SPEF2: variants seen among roughly 807,000 people sequenced by gnomAD.
The protein encoded by SPEF2 is sperm flagellar and cilia associated 2, also known as sperm flagella and cilia-associated protein 2.
Under a neutral mutation model 224.6 loss-of-function variants are expected in SPEF2, and 187 were observed. That is an observed-to-expected ratio of 0.83 (90% CI 0.74 to 0.94). The LOEUF (loss-of-function observed/expected upper bound fraction) is 0.94. Among genes scored for constraint, SPEF2 ranks in the 40% least tolerant of loss-of-function variants. The pLI is 0.00. For synonymous variants in SPEF2, 715 were observed against 707.3 expected (o/e 1.01, Z -0.17); for missense variants, 2,170 against 2,135.6 (o/e 1.02, Z -0.32).
intron 36 of SPEF2, among the ~76,000 whole-genome samples, chr5:35,808,699 C>T (rs1475125189): frequency 4.7e-5 from 7 of 147,984 alleles, no homozygotes; most frequent in Admixed American, 1.4e-4. Flanking sequence ...TTGGGTTTTA[C>T]ATATATATAC....
intron 8 of SPEF2, 24 bp from the exon 9 acceptor site, chr5:35,667,048 A>C: frequency 6.3e-7 from 1 of 1,576,588 alleles, no homozygotes; most frequent in South Asian, 1.2e-5. Context: ...ATAGTGACTT[A>C]AAAATATGTT....
Position 35,641,686 on chromosome 5 carries a change from A to G in SPEF2, c.414+3A>G, listed in dbSNP as rs768894397. 2.5e-5 allele frequency: 41 copies of G among 1,608,312 alleles called. No homozygotes were observed. The highest frequency in any genetic ancestry group is 1.7e-4 in the Middle Eastern group (1 of 5,850). On this transcript the variant is annotated splice_donor_region_variant and intron_variant, in intron 3 of 36. Coordinates refer to ENST00000356031, the MANE Select transcript of SPEF2 (RefSeq NM_024867.4). ...TGAAAAGTGATACTTTTCAAGAGGT[A>G]GGTACATAAAAAAGCATAATAAGCA... is the stretch of plus-strand genomic sequence containing the variant.
intron 18 of SPEF2, among the ~76,000 whole-genome samples, chr5:35,706,346 C>T (rs756369938): frequency 1.1e-4 from 17 of 151,706 alleles, no homozygotes; most frequent in Non-Finnish European, 2.1e-4. Context: ...TATTAACTTG[C>T]TTTCATGTTT....
chr5:35,764,458 A>C (rs1303691120), intron 26 of SPEF2: 1 of 409,290 alleles, frequency 2.4e-6, no homozygotes, highest in Non-Finnish European at 4.9e-6. Flanking sequence ...ACATAACTTT[A>C]ATCCAAGCAG....
At chr5:35,739,718 G>A (rs1446809433) in intron 21 of SPEF2, among the ~76,000 whole-genome samples, 1 of 152,186 alleles carries the variant, frequency 6.6e-6, no homozygotes, top group Non-Finnish European at 1.5e-5. Context: ...TATCTGGGCT[G>A]AGACATGGAG....
Position 35,800,006 on chromosome 5 carries a change from AC to A in SPEF2, c.4873del (p.Gln1625SerfsTer72). 1 of 1,613,836 alleles carries A rather than the reference AC, an allele frequency of 6.2e-7. No homozygotes were observed. Among genetic ancestry groups the A allele is most frequent in the Non-Finnish European group, 8.5e-7 (1 of 1,179,952 alleles). On this transcript the variant is annotated frameshift_variant, in exon 34 of 37. Coordinates refer to ENST00000356031, the MANE Select transcript of SPEF2 (RefSeq NM_024867.4). LOFTEE classifies it high-confidence loss of function. The stretch of plus-strand genomic sequence containing the variant: ...TATTTGCTGACTATGAGAAGGATCC[AC>A]CCCAGCTTGACTACACACAGATGCT... ...RLFADYEKDP[P>X]QLDYTQMLLY...
At chr5:35,679,796 C>T (rs907297424) in intron 10 of SPEF2, among the ~76,000 whole-genome samples, 18 of 152,168 alleles carry the variant, frequency 1.2e-4, no homozygotes, top group African/African-American at 4.3e-4. Context: ...TTTCTGGCAT[C>T]TTTCAGGCTA....
In SPEF2 at chr5:35,779,270, A is replaced by T; in HGVS notation, c.4371A>T (p.Glu1457Asp). ...CATCAATACGTCCTCCACCTGTAGAAAAGGAAGAAGATGGTACCCTGACCA... is the reference window on the plus strand; with the variant it reads ...CATCAATACGTCCTCCACCTGTAGATAAGGAAGAAGATGGTACCCTGACCA... ...PPPSIRPPPV[E>D]KEEDGTLTIE... Residue 1457 changes from glutamate to aspartate, a missense_variant, in exon 30 of 37, where the codon GAA becomes GAT. By Grantham distance (45) the Glu-to-Asp change is conservative. Transcript: ENST00000356031. The T allele has an allele frequency of 1.2e-6, 2 of 1,614,004 alleles. No individual in the cohort carries two copies. Among genetic ancestry groups the T allele is most frequent in the Non-Finnish European group, 8.5e-7 (1 of 1,179,918 alleles).
chr5:35,774,482 A>AG (rs879515797), intron 28 of SPEF2, among the ~76,000 whole-genome samples: 7 of 152,166 alleles, frequency 4.6e-5, no homozygotes, highest in Admixed American at 4.6e-4. Context: ...CCTGAAAATG[A>AG]GTCCTTGGGA....
intron 30 of SPEF2, among the ~76,000 whole-genome samples, chr5:35,785,218 C>T (rs866655827): frequency 6.6e-6 from 1 of 152,138 alleles, no homozygotes; most frequent in African/African-American, 2.4e-5. Flanking sequence ...CCTGCCTTTG[C>T]TTCCTTCAAT....
chr5:35,695,789 T>G lies in SPEF2; in HGVS notation c.2030T>G (p.Phe677Cys). ...GAAGAAGTCAAATCAAGTGATAGTT[T>G]CTTAAAAGTAAGTATTATGATCTAA... ...KAEEVKSSDS[F>C]LKLTTRAQLG... The change falls in exon 14 of 37, where the codon TTC (phenylalanine) becomes TGC (cysteine). Residue 677 changes from phenylalanine (F) to cysteine (C), a missense_variant. Coordinates refer to ENST00000356031, the MANE Select transcript of SPEF2 (RefSeq NM_024867.4). The G allele has an allele frequency of 1.2e-6, 2 of 1,606,754 alleles. No homozygotes were observed. Among genetic ancestry groups the G allele is most frequent in the Non-Finnish European group, 1.7e-6 (2 of 1,175,824 alleles).
intron 24 of SPEF2, among the ~76,000 whole-genome samples, chr5:35,756,256 C>T (rs10042935): frequency 0.28 from 41,793 of 151,858 alleles, 5,946 homozygotes; most frequent in African/African-American, 0.33. Context: ...CGTTATCAGA[C>T]GAAAAATCAT....
chr5:35,688,830 GTATATGC>G (rs1201632001), intron 10 of SPEF2, among the ~76,000 whole-genome samples: 1 of 152,162 alleles, frequency 6.6e-6, no homozygotes, highest in Non-Finnish European at 1.5e-5. Flanking sequence ...GAAAACAACA[GTATATGC>G]TACATAGTAT....
intron 21 of SPEF2, among the ~76,000 whole-genome samples, chr5:35,736,468 A>AGT (rs139387194): frequency 0.079 from 11,816 of 149,090 alleles, 492 homozygotes; most frequent in African/African-American, 0.12. Flanking sequence ...CAAGTGACAG[A>AGT]GTGTGTGTGT....
intron 7 of SPEF2, among the ~76,000 whole-genome samples, chr5:35,655,221 G>T (rs1424358622): frequency 6.6e-6 from 1 of 152,080 alleles, no homozygotes; most frequent in East Asian, 1.9e-4. Flanking sequence ...AGATTATTGG[G>T]CCCCACCCCA....
intron 19 of SPEF2, chr5:35,709,380 G>C: frequency 8.1e-7 from 1 of 1,231,936 alleles, no homozygotes; most frequent in South Asian, 2.3e-5. Context: ...GACCACAGAC[G>C]AGAAGAGGAA....
At chr5:35,704,402 T>C (rs1739328134) in intron 16 of SPEF2, 152 bp from the exon 17 acceptor site, 8 of 531,514 alleles carry the variant, frequency 1.5e-5, no homozygotes, top group Non-Finnish European at 2.7e-5. Context: ...ATCTCAAAAC[T>C]ATACTCTTTC....
intron 1 of SPEF2, among the ~76,000 whole-genome samples, chr5:35,623,772 A>G (rs60390801): frequency 0.021 from 3,134 of 152,332 alleles, 106 homozygotes; most frequent in African/African-American, 0.072. Flanking sequence ...TAATCATTAA[A>G]GATCTGTTAT....
chr5:35,774,484 T>A (rs1246770612), intron 28 of SPEF2, among the ~76,000 whole-genome samples: 1 of 152,022 alleles, frequency 6.6e-6, no homozygotes. Context: ...TGAAAATGAG[T>A]CCTTGGGAAC....
Sources: gnomAD v4.1 joint callset for allele counts (sites outside exome capture counted in the v4.1 genomes callset) on GRCh38, gnomAD v4.1.1 for gene constraint, MANE v1.5 for transcripts, NCBI Gene and HGNC (gene_info 2026-07-23, HGNC 2026-07-21) for gene names.